The following GLIS3 variants were observed in gnomAD, a reference collection of about 807,000 sequenced individuals.
GLIS3 encodes the protein GLIS family zinc finger 3, also known as zinc finger protein GLIS3.
GLIS3 carries 53 observed loss-of-function variants against 78.6 expected under a neutral mutation model. The ratio of observed to expected loss-of-function variants is 0.67; its 90% CI spans 0.54 to 0.85. GLIS3 has a LOEUF of 0.85. Among genes scored for constraint, GLIS3 ranks in the 40% least tolerant of loss-of-function variants. The probability of loss-of-function intolerance (pLI) is 0.00; values close to 1 mark genes in which losing one functional copy is unlikely to be tolerated. For missense variants in GLIS3, 1,703 were observed against 1,231.1 expected (o/e 1.38, Z -5.74); for synonymous variants, 684 against 509.9 (o/e 1.34, Z -4.60).
At chr9:4,045,643 T>C (rs1825188621) in intron 4 of GLIS3, among the ~76,000 whole-genome samples, 1 of 152,130 alleles carries the variant, frequency 6.6e-6, no homozygotes. Flanking sequence ...AGCTGAACTT[T>C]TCTTTTGTAC....
chr9:4,257,898 T>C (rs911633610), intron 2 of GLIS3, among the ~76,000 whole-genome samples: 2 of 152,104 alleles, frequency 1.3e-5, no homozygotes, highest in Non-Finnish European at 2.9e-5. Context: ...AATATGTATA[T>C]TAAAATATCG....
intron 8 of GLIS3, among the ~76,000 whole-genome samples, chr9:3,868,307 T>C (rs1255484681): frequency 2.0e-5 from 3 of 152,160 alleles, no homozygotes; most frequent in Non-Finnish European, 4.4e-5. Context: ...TGAGACCAAG[T>C]TATTGCTGGA....
chr9:4,440,667 A>C, the GLIS3 span, among the ~76,000 whole-genome samples: 2 of 152,090 alleles, frequency 1.3e-5, no homozygotes, highest in Non-Finnish European at 2.9e-5. Flanking sequence ...GTTCCATTCA[A>C]ATTTTAGGAT....
At chr9:4,342,546 A>G (rs1243127482) in intron 2 of GLIS3, among the ~76,000 whole-genome samples, 1 of 151,980 alleles carries the variant, frequency 6.6e-6, no homozygotes, top group Non-Finnish European at 1.5e-5. Context: ...TAGAATTCTA[A>G]CTTTTTGCTT....
the GLIS3 span, among the ~76,000 whole-genome samples, chr9:4,462,468 A>T: frequency 6.6e-6 from 1 of 152,114 alleles, no homozygotes; most frequent in African/African-American, 2.4e-5. Flanking sequence ...AAAAAGAAGG[A>T]GATGGCCAGG....
At chr9:4,074,365 GC>G (rs1278455836) in intron 4 of GLIS3, among the ~76,000 whole-genome samples, 2 of 152,030 alleles carry the variant, frequency 1.3e-5, no homozygotes, top group African/African-American at 4.8e-5. Flanking sequence ...TGTTTTGTAT[GC>G]CCTTTGTGGC....
intron 2 of GLIS3, among the ~76,000 whole-genome samples, chr9:4,137,554 A>G (rs982045473): frequency 1.3e-5 from 2 of 149,162 alleles, no homozygotes; most frequent in African/African-American, 2.5e-5. Context: ...TGGAGCCTCA[A>G]TCTTGCTCCC....
At chr9:4,430,916 T>G in the GLIS3 span, among the ~76,000 whole-genome samples, 3 of 152,164 alleles carry the variant, frequency 2.0e-5, no homozygotes, top group African/African-American at 7.2e-5. Flanking sequence ...TGTCACAAAC[T>G]GCTCTTTCAA....
chr9:4,209,112 G>C (rs1226403209), intron 2 of GLIS3, among the ~76,000 whole-genome samples: 1 of 152,134 alleles, frequency 6.6e-6, no homozygotes, highest in African/African-American at 2.4e-5. Flanking sequence ...TAAGTCCTAA[G>C]ATTTTCTTCC....
chr9:4,033,217 C>T (rs2130287090), intron 4 of GLIS3, among the ~76,000 whole-genome samples: 1 of 152,034 alleles, frequency 6.6e-6, no homozygotes, highest in East Asian at 1.9e-4. Flanking sequence ...GGAAGAGCTT[C>T]CCACACCTGA....
intron 2 of GLIS3, 65 bp downstream of exon 2, chr9:4,285,973 G>A (rs755285444): frequency 6.3e-7 from 1 of 1,588,954 alleles, no homozygotes; most frequent in Non-Finnish European, 8.6e-7. Context: ...TTTGCTGGCA[G>A]AAAATGGGAT....
intron 4 of GLIS3, among the ~76,000 whole-genome samples, chr9:4,080,194 A>G (rs755856489): frequency 2.1e-4 from 32 of 152,152 alleles, no homozygotes; most frequent in Non-Finnish European, 4.0e-4. Flanking sequence ...GACACCTGAC[A>G]TATTAGTTTT....
At chr9:4,353,473 C>T in the GLIS3 span, among the ~76,000 whole-genome samples, 1 of 152,188 alleles carries the variant, frequency 6.6e-6, no homozygotes, top group Admixed American at 6.5e-5. Context: ...CAGGGATTGT[C>T]TCTGGACTCA....
the GLIS3 span, among the ~76,000 whole-genome samples, chr9:4,357,658 G>A: frequency 9.2e-5 from 14 of 152,100 alleles, 1 homozygote; most frequent in East Asian, 2.7e-3. Context: ...TGACTCACGT[G>A]AACATCATTC....
chr9:4,171,958 G>A (rs756409036), intron 2 of GLIS3, among the ~76,000 whole-genome samples: 1 of 152,160 alleles, frequency 6.6e-6, no homozygotes, highest in African/African-American at 2.4e-5. Context: ...TATTTCACTT[G>A]AGGTGATAAT....
chr9:3,831,720 G>C (rs560623525), intron 9 of GLIS3, among the ~76,000 whole-genome samples: 1 of 152,306 alleles, frequency 6.6e-6, no homozygotes, highest in East Asian at 1.9e-4. Context: ...GAGCCAAAAT[G>C]GCCAACCATA....
chr9:3,937,141 G>T lies in GLIS3; in HGVS notation c.1759C>A (p.His587Asn). ...TTCTCGCCTGTGTGGCTCCGCAAGT[G>T]GATCTTGAGATTTTCAAGCCTTGAA... ...AFSRLENLKI[H>N]LRSHTGEKPY... Residue 587 changes from histidine to asparagine, a missense_variant, in exon 5 of 11, where the codon CAC becomes AAC. Coordinates refer to ENST00000381971, the MANE Select transcript of GLIS3 (RefSeq NM_001042413.2). The T allele has an allele frequency of 6.2e-7, 1 of 1,614,094 alleles. No homozygotes were observed. The highest frequency in any genetic ancestry group is 8.5e-7 in the Non-Finnish European group (1 of 1,180,030).
chr9:3,882,602 T>G (rs975746956), intron 7 of GLIS3, among the ~76,000 whole-genome samples: 1 of 152,188 alleles, frequency 6.6e-6, no homozygotes, highest in African/African-American at 2.4e-5. Flanking sequence ...CTGTGCTGGT[T>G]TGACTGACTG....
rs1489592127 is a variant in GLIS3 at position 4,118,729 on chromosome 9, T to TC, written c.748dup (p.Asp250GlyfsTer4). The TC allele has an allele frequency of 1.2e-6, 2 of 1,613,560 alleles. No individual in the cohort carries two copies. The highest frequency in any genetic ancestry group is 1.7e-6 in the Non-Finnish European group (2 of 1,179,982). ...TGTCCCGGGAGGAAGGCTAAGGAGA[T>TC]CCCCTAGATCAAGGCCATTCTGAGA... On this transcript the variant is annotated frameshift_variant, in exon 4 of 11. Transcript: ENST00000381971. LOFTEE classifies it high-confidence loss of function. This position sits in a 1 kb window ranked among gnomAD's most constrained non-coding sequence, Gnocchi z 4.7.
Sources: gnomAD v4.1 joint callset for allele counts (sites outside exome capture counted in the v4.1 genomes callset) on GRCh38, gnomAD v4.1.1 for gene constraint, Gnocchi (gnomAD v3.1) non-coding constraint, MANE v1.5 for transcripts, NCBI Gene and HGNC (gene_info 2026-07-23, HGNC 2026-07-21) for gene names.